Variants in AKAP7 observed in about 807,000 individuals in gnomAD.
AKAP7 encodes A kinase (PRKA) anchor protein 7.
A neutral mutation model predicts 39.5 loss-of-function variants in AKAP7; 39 were observed. The ratio of observed to expected loss-of-function variants is 0.99; its 90% confidence interval spans 0.76 to 1.29. The LOEUF (loss-of-function observed/expected upper bound fraction) is 1.29. Ranked by LOEUF, AKAP7 falls within the 50% of genes most tolerant of loss-of-function variation. AKAP7 has a pLI of 0.00. For synonymous variants in AKAP7, 140 were observed against 139.1 expected, an observed-to-expected ratio of 1.01 and a Z score of -0.05; for missense variants, 414 against 407.7, an observed-to-expected ratio of 1.02 and a Z score of -0.13.
At chr6:131,128,496 T>C in the AKAP7 span, among the ~76,000 whole-genome samples, 1 of 152,200 alleles carries the variant, frequency 6.6e-6, no homozygotes, top group Admixed American at 6.5e-5. Flanking sequence ...ATCTATTACC[T>C]ATCACACCTC....
In AKAP7 at chr6:131,282,001, G is replaced by C. The variant is rs1341334380; in HGVS notation, c.*275G>C. The C allele has an allele frequency of 8.5e-7, 1 of 1,170,580 alleles. No individual in the cohort carries two copies. The highest frequency in any genetic ancestry group is 1.6e-5 in the African/African-American group (1 of 63,102). The allele number at this position is 1,170,580 out of a possible 1,614,324, so 72.5% of individuals were successfully genotyped here. On this transcript the variant is annotated 3_prime_UTR_variant, in exon 8 of 8. Coordinates refer to ENST00000431975, the MANE Select transcript of AKAP7 (RefSeq NM_016377.4). ...CACGCACAAGGGAAAGGGAACTTTG[G>C]GTTATGCCTCCTGGACGCAAATTAA...
the AKAP7 span, among the ~76,000 whole-genome samples, chr6:131,129,084 C>T: frequency 3.3e-3 from 496 of 151,864 alleles, 6 homozygotes; most frequent in African/African-American, 6.7e-3. Flanking sequence ...GTCAGGAGTT[C>T]GGGACCAGCC....
At chr6:131,244,469 C>T (rs1811843670) in intron 7 of AKAP7, among the ~76,000 whole-genome samples, 1 of 152,182 alleles carries the variant, frequency 6.6e-6, no homozygotes, top group Non-Finnish European at 1.5e-5. Context: ...TGGGACTTGT[C>T]AGCCCATCTT....
Position 131,219,790 on chromosome 6 carries a change from G to T in AKAP7, c.832G>T (p.Glu278Ter). Residue 278 changes from glutamate (E) to a stop codon, truncating the protein, a stop_gained, in exon 7 of 8, where the codon GAA becomes TAA. Transcript: ENST00000431975. LOFTEE classifies it high-confidence loss of function. Reference sequence around the variant, plus strand: ...ACAAAGTAATGGTTATTATCACTGTGAATCTTCCATTGTGATTGGTGAGTG... The same window carrying T: ...ACAAAGTAATGGTTATTATCACTGTTAATCTTCCATTGTGATTGGTGAGTG... ...KKQSNGYYHC[E>*]SSIVIGEKNG... 6.4e-7 allele frequency: 1 copy of T among 1,570,460 alleles called. No homozygotes were observed. Among genetic ancestry groups the T allele is most frequent in the South Asian group, 1.2e-5 (1 of 82,084 alleles).
chr6:131,184,699 G>T, intron 5 of AKAP7: 1 of 800,978 alleles, frequency 1.2e-6, no homozygotes, highest in Non-Finnish European at 2.3e-6. Context: ...GTTGGGCAAG[G>T]CAAATCCATC....
At chr6:131,263,992 C>G (rs1813571845) in intron 7 of AKAP7, among the ~76,000 whole-genome samples, 1 of 152,168 alleles carries the variant, frequency 6.6e-6, no homozygotes, top group Non-Finnish European at 1.5e-5. Context: ...TGTTTTTCCC[C>G]CCATTCTTTA....
At chr6:131,250,126 AT>A in intron 7 of AKAP7, 1 of 967,932 alleles carries the variant, frequency 1.0e-6, no homozygotes, top group African/African-American at 1.8e-5. Flanking sequence ...GACAGAAAAT[AT>A]GGTTTTTTTG....
chr6:131,140,461 CTTAAT>C (rs1244393929), intron 1 of AKAP7, among the ~76,000 whole-genome samples: 1 of 152,160 alleles, frequency 6.6e-6, no homozygotes, highest in Non-Finnish European at 1.5e-5. Flanking sequence ...TAAAAATTGA[CTTAAT>C]TTAATTCATC....
At chr6:131,153,024 G>A (rs1802070933) in intron 2 of AKAP7, among the ~76,000 whole-genome samples, 1 of 151,610 alleles carries the variant, frequency 6.6e-6, no homozygotes, top group Admixed American at 6.6e-5. Context: ...TAGCTACTCG[G>A]GAGGCTGAGG....
chr6:131,183,262 G>C (rs1471446233), intron 5 of AKAP7, among the ~76,000 whole-genome samples: 1 of 152,122 alleles, frequency 6.6e-6, no homozygotes, highest in Non-Finnish European at 1.5e-5. Context: ...TAATGTCAGT[G>C]CCACTAAGCA....
chr6:131,250,385 C>A, intron 7 of AKAP7: 2 of 1,434,316 alleles, frequency 1.4e-6, no homozygotes, highest in Non-Finnish European at 1.8e-6. Flanking sequence ...TTTTTGCTCA[C>A]GGCAGCAAGT....
chr6:131,241,945 T>C (rs1432665053), intron 7 of AKAP7: 1 of 678,018 alleles, frequency 1.5e-6, no homozygotes, highest in East Asian at 1.4e-4. Flanking sequence ...AAACTTGCTC[T>C]GGTAGAAATG....
chr6:131,199,610 G>A (rs762662747), intron 6 of AKAP7, 37 bp downstream of exon 6: 1 of 1,452,168 alleles, frequency 6.9e-7, no homozygotes, highest in East Asian at 2.3e-5. Flanking sequence ...TGTTTTACCA[G>A]GCCACACCAG....
intron 7 of AKAP7, among the ~76,000 whole-genome samples, chr6:131,247,656 G>A (rs529394379): frequency 6.6e-6 from 1 of 150,866 alleles, no homozygotes; most frequent in East Asian, 2.0e-4. Flanking sequence ...GGTCTCACTC[G>A]GTCACTCCTG....
intron 7 of AKAP7, among the ~76,000 whole-genome samples, chr6:131,251,285 C>T (rs1812429635): frequency 6.6e-6 from 1 of 152,172 alleles, no homozygotes; most frequent in African/African-American, 2.4e-5. Flanking sequence ...TGTATATTCA[C>T]TTACATTTTA....
rs572930908 is a variant in AKAP7, at chr6:131,282,890, AACAT to A, written c.*1168_*1171del. ...TATTTCTCGGGTCCTTGCAGAAAAAAACATACAGACTGTGAACAAATCATTCACA... is the reference window on the plus strand; with the variant it reads ...TATTTCTCGGGTCCTTGCAGAAAAAAACAGACTGTGAACAAATCATTCACA... On this transcript the variant is annotated 3_prime_UTR_variant, in exon 8 of 8. Coordinates refer to ENST00000431975, the MANE Select transcript of AKAP7 (RefSeq NM_016377.4). 4.0e-3 allele frequency: 1,151 copies of A among 285,600 alleles called. 6 individuals carry two copies. The highest frequency in any genetic ancestry group is 4.9e-3 in the Non-Finnish European group (738 of 152,014). The allele number at this position is 285,600 out of a possible 1,614,324, so 17.7% of individuals were successfully genotyped here.
At chr6:131,259,913 C>T (rs889036480) in intron 7 of AKAP7, among the ~76,000 whole-genome samples, 2 of 152,014 alleles carry the variant, frequency 1.3e-5, no homozygotes, top group Non-Finnish European at 2.9e-5. Context: ...GGTATTAAGC[C>T]TTGCATGCAT....
intron 7 of AKAP7, among the ~76,000 whole-genome samples, chr6:131,264,408 T>A (rs1404561040): frequency 6.6e-6 from 1 of 152,218 alleles, no homozygotes; most frequent in African/African-American, 2.4e-5. Flanking sequence ...TTACCTATCA[T>A]GGAATATCAC....
chr6:131,133,890 A>T (rs1042836996), upstream of AKAP7, among the ~76,000 whole-genome samples: 7 of 152,312 alleles, frequency 4.6e-5, no homozygotes, highest in East Asian at 1.3e-3. Context: ...CAGTATGGGA[A>T]GGTTACTAGA....
Sources: allele counts gnomAD v4.1 joint callset (sites outside exome capture counted in the v4.1 genomes callset), GRCh38; gene constraint gnomAD v4.1.1; transcripts MANE v1.5; gene names NCBI Gene and HGNC (gene_info 2026-07-23, HGNC 2026-07-21).